SYT3: variants seen among roughly 807,000 people sequenced by gnomAD.
SYT3 encodes the protein synaptotagmin-3.
A neutral mutation model predicts 50.6 loss-of-function variants in SYT3; 25 were observed. The ratio of observed to expected loss-of-function variants is 0.49; its 90% CI spans 0.36 to 0.69. The LOEUF (loss-of-function observed/expected upper bound fraction) is 0.69. Ranked by LOEUF, SYT3 falls within the 30% of genes least tolerant of loss-of-function variation. SYT3 has a pLI of 0.00. For synonymous variants in SYT3, 323 were observed against 353.9 expected, an observed-to-expected ratio of 0.91 and a Z score of 0.98; for missense variants, 589 against 793.6, an observed-to-expected ratio of 0.74 and a Z score of 3.10.
the SYT3 span, among the ~76,000 whole-genome samples, chr19:50,651,088 T>A: frequency 2.6e-5 from 4 of 152,228 alleles, no homozygotes; most frequent in African/African-American, 9.6e-5. Flanking sequence ...AGAAAGCCCC[T>A]GGGTCCCAAG....
intron 3 of SYT3, among the ~76,000 whole-genome samples, chr19:50,635,056 G>A (rs962316902): frequency 5.3e-5 from 8 of 152,066 alleles, no homozygotes; most frequent in Non-Finnish European, 8.8e-5. Flanking sequence ...GACTACAGGC[G>A]CCTGCCACCA....
intron 2 of SYT3, chr19:50,638,030 A>T (rs1300100286): frequency 6.6e-6 from 1 of 152,570 alleles, no homozygotes; most frequent in East Asian, 1.9e-4. Context: ...CAATCCAACG[A>T]GAGGAGACAT....
At chr19:50,656,493 T>C in the SYT3 span, 1 of 1,195,622 alleles carries the variant, frequency 8.4e-7, no homozygotes, top group Non-Finnish European at 1.1e-6. Context: ...TGCTGAAAAC[T>C]GATTGTGAAT....
the SYT3 span, chr19:50,656,279 TC>T: frequency 1.3e-6 from 2 of 1,536,176 alleles, no homozygotes; most frequent in East Asian, 2.4e-5. Flanking sequence ...GACCGAGAAC[TC>T]CCGTGCATCC....
At chr19:50,624,646 A>G (rs998007335) in intron 9 of SYT3, among the ~76,000 whole-genome samples, 1 of 148,794 alleles carries the variant, frequency 6.7e-6, no homozygotes, top group Non-Finnish European at 1.5e-5. Context: ...TCTGCCTCCC[A>G]GGTTCAAGCG....
chr19:50,640,260 C>G (rs1984638075), upstream of SYT3, among the ~76,000 whole-genome samples: 1 of 152,194 alleles, frequency 6.6e-6, no homozygotes, highest in African/African-American at 2.4e-5. Flanking sequence ...TAGCAGGGAC[C>G]TGGGTTTGAA....
At chr19:50,654,428 G>A in the SYT3 span, among the ~76,000 whole-genome samples, 1 of 151,384 alleles carries the variant, frequency 6.6e-6, no homozygotes, top group Non-Finnish European at 1.5e-5. Flanking sequence ...TCAGCCTCCC[G>A]AGTAGCTGGG....
Position 50,625,186 on chromosome 19 carries a change from C to A in SYT3, c.1683G>T (p.Val561=). The A allele has an allele frequency of 6.2e-7, 1 of 1,601,970 alleles. No individual in the cohort carries two copies. The part of the protein sequence containing the change: ...AEMLANPRKP[V]EHWHQLVEEK... The stretch of plus-strand genomic sequence containing the variant: ...CCTCCACTAGCTGATGCCAGTGCTC[C>A]ACGGGCTTGCGGGGATTGGCCAGCA... The change falls in exon 9 of 11, where the codon GTG becomes GTT. Residue 561 remains valine, a synonymous_variant. Transcript: ENST00000600079. The surrounding 1 kb of genome is among the most constrained non-coding windows in gnomAD (Gnocchi z 7.5).
In SYT3 at chr19:50,632,461, A is replaced by G. The variant is rs1235775840; in HGVS notation, c.499T>C (p.Tyr167His). 4 of 1,613,468 alleles carry G rather than the reference A, an allele frequency of 2.5e-6. No individual in the cohort carries two copies. Among genetic ancestry groups the G allele is most frequent in the Non-Finnish European group, 3.4e-6 (4 of 1,179,836 alleles). ...PEPSYLDMDS[Y>H]PEAAAAAVAA... ...ACTGCTGCTGCTGCAGCCTCTGGAT[A>G]CGAGTCCATGTCCAAGTAGGAGGGC... Residue 167 changes from tyrosine to histidine, a missense_variant, in exon 4 of 11, where the codon TAT (tyrosine) becomes CAT (histidine). Physicochemically the swap from Tyr to His is moderately conservative, Grantham distance 83 (BLOSUM62 2). Around this residue, in one of 2 missense-constraint regions of SYT3, gnomAD observed 316 missense variants for 354.3 expected, o/e 0.89. Coordinates refer to ENST00000600079, the MANE Select transcript of SYT3 (RefSeq NM_001160329.2). The surrounding 1 kb of genome is among the most constrained non-coding windows in gnomAD (Gnocchi z 4.7).
chr19:50,646,250 T>C, the SYT3 span, among the ~76,000 whole-genome samples: 1 of 152,118 alleles, frequency 6.6e-6, no homozygotes, highest in Non-Finnish European at 1.5e-5. Flanking sequence ...AGGCAAGAGA[T>C]AAGGAAGACG....
chr19:50,649,342 G>A, the SYT3 span: 1 of 1,109,204 alleles, frequency 9.0e-7, no homozygotes, highest in Non-Finnish European at 1.3e-6. Flanking sequence ...GCTTCAAAGA[G>A]GAGGTAGAGG....
chr19:50,638,946 AC>A, intron 2 of SYT3, 78 bp downstream of exon 2: 1 of 152,314 alleles, frequency 6.6e-6, no homozygotes, highest in East Asian at 1.9e-4. Flanking sequence ...GAACAGACAG[AC>A]CAGGGCTCAC....
At chr19:50,628,459 T>TG (rs1488364072) in intron 6 of SYT3, among the ~76,000 whole-genome samples, 18 of 152,080 alleles carry the variant, frequency 1.2e-4, no homozygotes, top group Admixed American at 1.2e-3. Flanking sequence ...CCAGGATGGC[T>TG]GAGGCCTGGG....
the SYT3 span, chr19:50,649,302 C>A: frequency 1.3e-6 from 1 of 780,156 alleles, no homozygotes; most frequent in Non-Finnish European, 2.1e-6. Flanking sequence ...TGGTCTCAGC[C>A]TTCCAGTTCC....
chr19:50,630,483 C>T (rs764624157), intron 4 of SYT3, among the ~76,000 whole-genome samples: 45 of 149,236 alleles, frequency 3.0e-4, no homozygotes, highest in Non-Finnish European at 6.7e-4. Context: ...AGTGCAAAGG[C>T]GCGATCTCGG....
chr19:50,637,539 C>A lies in SYT3; in HGVS notation c.-15-113G>T. 6.8e-6 allele frequency: 6 copies of A among 884,176 alleles called. No homozygotes were observed. The highest frequency in any genetic ancestry group is 1.0e-5 in the Non-Finnish European group (6 of 594,700). 54.8% of individuals were successfully genotyped at this position (884,176 alleles called of 1,614,324 possible). ...AGACACCGAGAAAAGGAAGGATGGG[C>A]AAAGGGGACAGAGATTAGGGGCAGA... On this transcript the variant is annotated intron_variant, in intron 2 of 10. Coordinates refer to ENST00000600079, the MANE Select transcript of SYT3 (RefSeq NM_001160329.2). The surrounding 1 kb of genome is among the most constrained non-coding windows in gnomAD (Gnocchi z 4.9).
chr19:50,644,366 G>T (rs890042523), upstream of SYT3, among the ~76,000 whole-genome samples: 4 of 152,222 alleles, frequency 2.6e-5, no homozygotes, highest in Non-Finnish European at 5.9e-5. Flanking sequence ...GTGGATGGTT[G>T]GGTGCATACA....
At chr19:50,623,432 G>A (rs1284356384) in intron 9 of SYT3, among the ~76,000 whole-genome samples, 1 of 152,024 alleles carries the variant, frequency 6.6e-6, no homozygotes, top group Non-Finnish European at 1.5e-5. Flanking sequence ...GTTTCACCCA[G>A]TACTAAATGT....
chr19:50,649,563 T>C, the SYT3 span: 1 of 1,520,466 alleles, frequency 6.6e-7, no homozygotes, highest in African/African-American at 1.4e-5. Flanking sequence ...ATCCAGGCAG[T>C]GCGTAGTAGC....
Sources: allele counts gnomAD v4.1 joint callset (sites outside exome capture counted in the v4.1 genomes callset), GRCh38; gene constraint gnomAD v4.1.1; regional missense constraint gnomAD v4.1.1; non-coding constraint Gnocchi (gnomAD v3.1); transcripts MANE v1.5; gene names NCBI Gene and HGNC (gene_info 2026-07-23, HGNC 2026-07-21).